Variants in EIF3D observed in about 807,000 individuals in gnomAD.
The protein encoded by EIF3D is eIF3 p66.
EIF3D carries 10 observed loss-of-function variants against 75.4 expected under a neutral mutation model. The ratio of observed to expected loss-of-function variants is 0.13; its 90% CI spans 0.08 to 0.22. The LOEUF (loss-of-function observed/expected upper bound fraction) is 0.22. Among genes scored for constraint, EIF3D ranks in the 10% least tolerant of loss-of-function variants. The pLI, the probability that EIF3D is intolerant of heterozygous loss-of-function variation, is 1.00. For missense variants in EIF3D, 394 were observed against 708.0 expected, an observed-to-expected ratio of 0.56 and a Z score of 5.03; for synonymous variants, 246 against 248.3, an observed-to-expected ratio of 0.99 and a Z score of 0.09.
In EIF3D at chr22:36,524,857, G is replaced by C. The variant is rs1653495248; in HGVS notation, c.170-125C>G. On this transcript the variant is annotated intron_variant, in intron 3 of 14. Transcript: ENST00000216190. Reference sequence around the variant, plus strand: ...TGTAGCATTGGCTGAAAGCTTGTTAGACACACAGACTCACAGTCCCACCCC... The same window carrying C: ...TGTAGCATTGGCTGAAAGCTTGTTACACACACAGACTCACAGTCCCACCCC... 3.3e-6 allele frequency: 4 copies of C among 1,217,526 alleles called. No homozygotes were observed. The African/African-American group carries it at 4.5e-5, about 14-fold the overall frequency. 75.4% of individuals were successfully genotyped at this position (1,217,526 alleles called of 1,614,324 possible). A position where few individuals can be genotyped will look rare whatever the true frequency, so the allele number is the denominator to read the frequency against.
At chr22:36,524,276 C>T (rs1337239769) in intron 4 of EIF3D, among the ~76,000 whole-genome samples, 1 of 152,188 alleles carries the variant, frequency 6.6e-6, no homozygotes, top group Admixed American at 6.6e-5. Flanking sequence ...ACTGGACCAT[C>T]TACTTAATAA....
chr22:36,518,724 C>A, intron 9 of EIF3D, 39 bp downstream of exon 9: 1 of 1,610,434 alleles, frequency 6.2e-7, no homozygotes. Context: ...AACAAAAATA[C>A]TCAATGCCTT....
At chr22:36,520,281 T>C (rs1217196035) in intron 7 of EIF3D, among the ~76,000 whole-genome samples, 2 of 152,004 alleles carry the variant, frequency 1.3e-5, no homozygotes, top group African/African-American at 4.8e-5. Flanking sequence ...CTCAGCCTCC[T>C]GAGTAGCTGG....
At position 36,511,673 on chromosome 22, in the gene EIF3D, C is replaced by G; in HGVS notation, c.1463G>C (p.Trp488Ser). Residue 488 changes from tryptophan to serine, a missense_variant, in exon 14 of 15, where the codon TGG becomes TCG. By Grantham distance (177) the Trp-to-Ser change is radical. Transcript: ENST00000216190. ...SQINLSVENA[W>S]GILRCVIDIC... ...GTCAATGACGCAGCGTAAAATGCCC[C>G]AGGCATTCTCCACGCTCAGGTTGAT... The G allele has an allele frequency of 6.2e-7, 1 of 1,614,132 alleles. No homozygotes were observed. The highest frequency in any genetic ancestry group is 8.5e-7 in the Non-Finnish European group (1 of 1,180,030).
At chr22:36,515,757 G>C (rs1438821180) in intron 12 of EIF3D, among the ~76,000 whole-genome samples, 1 of 152,054 alleles carries the variant, frequency 6.6e-6, no homozygotes, top group East Asian at 1.9e-4. Flanking sequence ...AGAGTAACGC[G>C]GTAACACAGA....
intron 9 of EIF3D, 62 bp from the exon 10 acceptor site, chr22:36,517,493 G>A (rs773426024): frequency 5.5e-5 from 84 of 1,522,224 alleles, no homozygotes; most frequent in Non-Finnish European, 7.1e-5. Flanking sequence ...TGTGCGCAGC[G>A]CTGTGGGGAG....
At chr22:36,512,715 G>C in intron 12 of EIF3D, 113 bp from the exon 13 acceptor site, 2 of 1,236,324 alleles carry the variant, frequency 1.6e-6, no homozygotes, top group Non-Finnish European at 2.2e-6. Context: ...AAGTGGGTAG[G>C]TACGCACTAA....
At chr22:36,521,176 G>C (rs1264687777) in intron 6 of EIF3D, among the ~76,000 whole-genome samples, 14 of 152,096 alleles carry the variant, frequency 9.2e-5, no homozygotes, top group Non-Finnish European at 2.9e-5. Flanking sequence ...CTCCAGCCTG[G>C]GTGACAGAGC....
rs1934596023 is a variant in EIF3D, at chr22:36,526,182, ACAAAACAC to A, written c.-10-59_-10-52del. On this transcript the variant is annotated intron_variant, in intron 1 of 14. Coordinates refer to ENST00000216190, the MANE Select transcript of EIF3D (RefSeq NM_003753.4). Reference sequence around the variant, plus strand: ...GCGGCATGAACGAAGGCCTCAGAGTACAAAACACCCTCCATATGAAGTAAGCAAAGACA... The same window carrying A: ...GCGGCATGAACGAAGGCCTCAGAGTACCTCCATATGAAGTAAGCAAAGACA... The A allele has an allele frequency of 1.9e-5, 28 of 1,513,362 alleles. No individual in the cohort carries two copies. In the South Asian group the frequency reaches 3.7e-4, roughly 20 times the overall value. 93.7% of individuals were successfully genotyped at this position (1,513,362 alleles called of 1,614,324 possible).
chr22:36,522,231 A>G (rs1254073398), intron 6 of EIF3D, among the ~76,000 whole-genome samples: 1 of 152,058 alleles, frequency 6.6e-6, no homozygotes, highest in Non-Finnish European at 1.5e-5. Flanking sequence ...GTGCATGCCT[A>G]TAGTCTCAGC....
chr22:36,512,827 C>T (rs779407035), intron 12 of EIF3D: 16 of 518,280 alleles, frequency 3.1e-5, no homozygotes, highest in Admixed American at 7.0e-5. Flanking sequence ...AAAAGCTCGC[C>T]TAGACAGGGA....
intron 1 of EIF3D, among the ~76,000 whole-genome samples, chr22:36,528,208 G>A (rs1934636645): frequency 1.3e-5 from 2 of 152,076 alleles, no homozygotes; most frequent in South Asian, 4.1e-4. Flanking sequence ...CCTGCTGTCA[G>A]TCCAGCCTTC....
Position 36,519,395 on chromosome 22 carries a change from A to C in EIF3D, c.711+10T>G, listed in dbSNP as rs1209453699. ...TAACAAGGGGGAGAGGGGCAGAAGG[A>C]GGCGCACACCTTGCGGATGACAGGG... On this transcript the variant is annotated intron_variant, in intron 8 of 14. Coordinates refer to ENST00000216190, the MANE Select transcript of EIF3D (RefSeq NM_003753.4). 2 of 1,613,940 alleles carry C rather than the reference A, an allele frequency of 1.2e-6. No individual in the cohort carries two copies. The highest frequency in any genetic ancestry group is 1.7e-6 in the Non-Finnish European group (2 of 1,179,922).
intron 3 of EIF3D, 32 bp downstream of exon 3, chr22:36,525,632 T>C: frequency 1.9e-6 from 3 of 1,609,614 alleles, no homozygotes; most frequent in Non-Finnish European, 2.5e-6. Context: ...CCCAAGGCCC[T>C]GATTGGGGCA....
intron 5 of EIF3D, 114 bp downstream of exon 5, chr22:36,523,781 T>C: frequency 1.0e-6 from 1 of 995,698 alleles, no homozygotes; most frequent in East Asian, 2.4e-5. Context: ...GTAGAAAGTA[T>C]TTTCCTTTTT....
rs774885711 is a variant in EIF3D at position 36,511,640 on chromosome 22, A to G, written c.1496T>C (p.Met499Thr). The G allele has an allele frequency of 6.2e-7, 1 of 1,614,134 alleles. No homozygotes were observed. Among genetic ancestry groups the G allele is most frequent in the Non-Finnish European group, 8.5e-7 (1 of 1,180,034 alleles). Residue 499 changes from methionine to threonine, a missense_variant, in exon 14 of 15, where the codon ATG becomes ACG. Coordinates refer to ENST00000216190, the MANE Select transcript of EIF3D (RefSeq NM_003753.4). Reference protein sequence around the residue: ...GILRCVIDICMKLEEGKYLIL... With the variant: ...GILRCVIDICTKLEEGKYLIL... ...GAGGTATTTGCCCTCCTCCAGCTTCATGCAGATGTCAATGACGCAGCGTAA... is the reference window on the plus strand; with the variant it reads ...GAGGTATTTGCCCTCCTCCAGCTTCGTGCAGATGTCAATGACGCAGCGTAA...
chr22:36,526,286 GTTAA>G (rs1934597961), intron 1 of EIF3D, among the ~76,000 whole-genome samples, 155 bp from the exon 2 acceptor site: 1 of 152,178 alleles, frequency 6.6e-6, no homozygotes, highest in Non-Finnish European at 1.5e-5. Flanking sequence ...TACTGTTTTT[GTTAA>G]TTATACTGTG....
intron 4 of EIF3D, among the ~76,000 whole-genome samples, 189 bp from the exon 5 acceptor site, chr22:36,524,169 G>T (rs952052411): frequency 6.6e-6 from 1 of 152,110 alleles, no homozygotes; most frequent in Non-Finnish European, 1.5e-5. Flanking sequence ...ACTTTGCTTA[G>T]ACCTATACTC....
At chr22:36,518,326 T>C (rs1428262608) in intron 9 of EIF3D, among the ~76,000 whole-genome samples, 1 of 150,950 alleles carries the variant, frequency 6.6e-6, no homozygotes, top group Admixed American at 6.6e-5. Flanking sequence ...CCGTCTCTAC[T>C]AAAAATATAG....
Sources: gnomAD v4.1 joint callset for allele counts (sites outside exome capture counted in the v4.1 genomes callset) on GRCh38, gnomAD v4.1.1 for gene constraint, MANE v1.5 for transcripts, NCBI Gene and HGNC (gene_info 2026-07-23, HGNC 2026-07-21) for gene names.